ADGRG6: variants seen among roughly 807,000 people sequenced by gnomAD.
The protein encoded by ADGRG6 is G-protein coupled receptor 126.
ADGRG6 carries 84 observed loss-of-function variants against 142.4 expected under a neutral mutation model. The observed-to-expected ratio is 0.59, with a 90% CI of 0.49 to 0.71. ADGRG6 has a LOEUF of 0.71. Among genes scored for constraint, ADGRG6 ranks in the 30% least tolerant of loss-of-function variants. The pLI is 0.00. For missense variants in ADGRG6, 1,367 were observed against 1,466.6 expected (o/e 0.93, Z 1.11); for synonymous variants, 521 against 520.5 (o/e 1.00, Z -0.01).
chr6:142,363,285 T>G (rs1194338273), intron 2 of ADGRG6, among the ~76,000 whole-genome samples: 1 of 152,122 alleles, frequency 6.6e-6, no homozygotes, highest in Non-Finnish European at 1.5e-5. Context: ...ATTTGGATTT[T>G]ATAAAGAAGT....
At chr6:142,395,320 G>A (rs1020376866) in intron 9 of ADGRG6, among the ~76,000 whole-genome samples, 1 of 152,026 alleles carries the variant, frequency 6.6e-6, no homozygotes, top group Non-Finnish European at 1.5e-5. Context: ...AATCCTTTCT[G>A]TTAGGTCATA....
intron 2 of ADGRG6, among the ~76,000 whole-genome samples, chr6:142,324,595 G>A (rs138498374): frequency 2.0e-4 from 30 of 152,150 alleles, no homozygotes; most frequent in Admixed American, 1.8e-3. Flanking sequence ...AGAAAGATAG[G>A]TAGTTTTTTC....
intron 2 of ADGRG6, among the ~76,000 whole-genome samples, chr6:142,326,754 G>A (rs1295672569): frequency 6.6e-5 from 10 of 152,098 alleles, no homozygotes; most frequent in Admixed American, 5.9e-4. Flanking sequence ...AGCATCTGTG[G>A]AAAGAGTCAT....
At chr6:142,309,694 C>T (rs1376570792) in intron 2 of ADGRG6, 50 bp downstream of exon 2, 2 of 1,185,040 alleles carry the variant, frequency 1.7e-6, no homozygotes, top group African/African-American at 3.1e-5. Flanking sequence ...ATGACATTGT[C>T]TGCAGTGTAA....
chr6:142,391,055 G>A (rs2114972127), intron 7 of ADGRG6, among the ~76,000 whole-genome samples: 1 of 151,854 alleles, frequency 6.6e-6, no homozygotes, highest in Non-Finnish European at 1.5e-5. Flanking sequence ...TTGATGGACA[G>A]TTAGGCTGTA....
intron 22 of ADGRG6, among the ~76,000 whole-genome samples, chr6:142,432,841 A>G (rs1777279211): frequency 6.6e-6 from 1 of 152,218 alleles, no homozygotes; most frequent in Admixed American, 6.5e-5. Context: ...AAAACACCAG[A>G]CACAACCTCT....
At chr6:142,322,829 C>A (rs1470756262) in intron 2 of ADGRG6, among the ~76,000 whole-genome samples, 1 of 152,112 alleles carries the variant, frequency 6.6e-6, no homozygotes, top group African/African-American at 2.4e-5. Context: ...GATTTGTCCT[C>A]ATTTCACAAA....
intron 2 of ADGRG6, among the ~76,000 whole-genome samples, chr6:142,365,311 G>C (rs1583041000): frequency 6.6e-6 from 1 of 152,176 alleles, no homozygotes; most frequent in African/African-American, 2.4e-5. Context: ...GTTTGACTTG[G>C]TTATACTGCA....
chr6:142,331,146 A>C (rs952433878), intron 2 of ADGRG6, among the ~76,000 whole-genome samples: 5 of 152,066 alleles, frequency 3.3e-5, no homozygotes, highest in African/African-American at 7.2e-5. Context: ...AAAAAAAAAA[A>C]AAACTATCAA....
intron 4 of ADGRG6, among the ~76,000 whole-genome samples, chr6:142,376,969 T>C (rs1562349852): frequency 1.3e-5 from 2 of 152,222 alleles, no homozygotes; most frequent in Non-Finnish European, 2.9e-5. Flanking sequence ...CTTGTGTAAA[T>C]ATTAACATAT....
At chr6:142,395,095 A>G (rs997960348) in intron 9 of ADGRG6, among the ~76,000 whole-genome samples, 5 of 152,210 alleles carry the variant, frequency 3.3e-5, no homozygotes, top group Non-Finnish European at 5.9e-5. Flanking sequence ...TTTCAACACT[A>G]GAAAAACAAA....
Position 142,325,028 on chromosome 6 carries a change from A to G in ADGRG6, c.103+15384A>G, listed in dbSNP as rs376569239. Among the ~76,000 whole-genome samples, 17 of 152,254 alleles carry G rather than the reference A, an allele frequency of 1.1e-4. No homozygotes were observed. In the East Asian group the frequency reaches 1.7e-3, roughly 16 times the overall value. ...AGGCACAACCATGCATTTTAGTTAC[A>G]TTGGGAGCATATTTACTTGGATTAT... is the stretch of plus-strand genomic sequence containing the variant. On this transcript the variant is annotated intron_variant, in intron 2 of 24. Transcript: ENST00000367609.
chr6:142,404,949 C>T (rs1159127183), intron 14 of ADGRG6, among the ~76,000 whole-genome samples: 2 of 152,140 alleles, frequency 1.3e-5, no homozygotes, highest in Admixed American at 1.3e-4. Flanking sequence ...TACTACATGC[C>T]AGGCACTATT....
chr6:142,387,046 T>A (rs182883044), intron 6 of ADGRG6, among the ~76,000 whole-genome samples: 115 of 152,328 alleles, frequency 7.5e-4, no homozygotes, highest in African/African-American at 2.4e-3. Flanking sequence ...TGAAGCTCTG[T>A]TGAATGAAAT....
At chr6:142,310,125 A>C (rs1232709737) in intron 2 of ADGRG6, among the ~76,000 whole-genome samples, 1 of 151,858 alleles carries the variant, frequency 6.6e-6, no homozygotes, top group East Asian at 1.9e-4. Context: ...ATGCAGTTTA[A>C]TTTACTTGAT....
At chr6:142,384,402 C>A (rs1435794193) in intron 6 of ADGRG6, among the ~76,000 whole-genome samples, 1 of 151,974 alleles carries the variant, frequency 6.6e-6, no homozygotes, top group African/African-American at 2.4e-5. Context: ...TTTTGAATGA[C>A]AACTTCAAAT....
intron 2 of ADGRG6, among the ~76,000 whole-genome samples, chr6:142,336,128 T>C (rs2114690154): frequency 6.6e-6 from 1 of 152,330 alleles, no homozygotes; most frequent in South Asian, 2.1e-4. Flanking sequence ...TGCAGGTCTA[T>C]GTGCAGGTCT....
chr6:142,348,561 A>G (rs928020477), intron 2 of ADGRG6, among the ~76,000 whole-genome samples: 1 of 152,010 alleles, frequency 6.6e-6, no homozygotes, highest in Non-Finnish European at 1.5e-5. Flanking sequence ...TCAGTAACCA[A>G]CTTCTTCCAT....
intron 2 of ADGRG6, among the ~76,000 whole-genome samples, chr6:142,329,919 C>T (rs189079429): frequency 1.8e-3 from 272 of 152,206 alleles, no homozygotes; most frequent in South Asian, 0.011. Flanking sequence ...AGGTGAGATA[C>T]GTGAGCACTG....
Sources: allele counts gnomAD v4.1 joint callset (sites outside exome capture counted in the v4.1 genomes callset), GRCh38; gene constraint gnomAD v4.1.1; transcripts MANE v1.5; gene names NCBI Gene and HGNC (gene_info 2026-07-23, HGNC 2026-07-21).